Variants in CCDC178 observed in about 807,000 individuals in gnomAD.
The protein encoded by CCDC178 is coiled-coil domain containing 178.
Under a neutral mutation model 117.4 loss-of-function variants are expected in CCDC178, and 126 were observed. The observed-to-expected ratio is 1.07, with a 90% CI of 0.93 to 1.24. The LOEUF is 1.24. Among genes scored for constraint, CCDC178 ranks in the 50% most tolerant of loss-of-function variants. The pLI is 0.00. For synonymous variants in CCDC178, 283 were observed against 313.4 expected, an observed-to-expected ratio of 0.90 and a Z score of 1.02; for missense variants, 1,030 against 986.9, an observed-to-expected ratio of 1.04 and a Z score of -0.59.
At chr18:33,196,605 G>C (rs919316731) in intron 20 of CCDC178, among the ~76,000 whole-genome samples, 1 of 152,104 alleles carries the variant, frequency 6.6e-6, no homozygotes, top group African/African-American at 2.4e-5. Context: ...CTCTGGCTGT[G>C]CAGTTTTTTT....
intron 6 of CCDC178, among the ~76,000 whole-genome samples, chr18:33,368,102 A>T (rs1385987738): frequency 6.6e-6 from 1 of 151,994 alleles, no homozygotes; most frequent in African/African-American, 2.4e-5. Flanking sequence ...ACTAAGTACA[A>T]ATTCCAACTG....
chr18:33,276,680 C>G (rs1332367918), intron 12 of CCDC178, among the ~76,000 whole-genome samples: 3 of 151,928 alleles, frequency 2.0e-5, no homozygotes, highest in Non-Finnish European at 4.4e-5. Flanking sequence ...TTAGATTTAG[C>G]AAAATGGAAA....
intron 2 of CCDC178, among the ~76,000 whole-genome samples, chr18:33,436,927 C>A (rs1394596828): frequency 3.9e-5 from 6 of 152,144 alleles, no homozygotes; most frequent in Non-Finnish European, 8.8e-5. Flanking sequence ...GGTGGGAGAA[C>A]AAAGAAACCT....
chr18:33,118,373 T>G (rs2057888745), intron 20 of CCDC178, among the ~76,000 whole-genome samples: 1 of 151,992 alleles, frequency 6.6e-6, no homozygotes, highest in Non-Finnish European at 1.5e-5. Flanking sequence ...GGTGCATAAA[T>G]CAAGGGGCAT....
At chr18:33,076,131 A>C (rs992493368) in intron 21 of CCDC178, among the ~76,000 whole-genome samples, 6 of 152,198 alleles carry the variant, frequency 3.9e-5, no homozygotes, top group Non-Finnish European at 7.4e-5. Flanking sequence ...GTAAAGAATC[A>C]TCAGAGAAAA....
chr18:33,074,122 G>A (rs1159214504), intron 21 of CCDC178, among the ~76,000 whole-genome samples: 1 of 151,846 alleles, frequency 6.6e-6, no homozygotes, highest in Non-Finnish European at 1.5e-5. Flanking sequence ...CAAGAAATGT[G>A]GGTTTTATCC....
In CCDC178 at chr18:33,160,633, G is replaced by A. The variant is rs574003190; in HGVS notation, c.2238+51263C>T. On this transcript the variant is annotated intron_variant, in intron 20 of 22. Transcript: ENST00000383096. Reference sequence around the variant, plus strand: ...AGCAGGGTGCTTTGGTTCTGGGCTCGGGGTTTATTTCCTAGTTAAAGGTCA... The same window carrying A: ...AGCAGGGTGCTTTGGTTCTGGGCTCAGGGTTTATTTCCTAGTTAAAGGTCA... Among the ~76,000 whole-genome samples, 6 of 152,110 alleles carry A rather than the reference G, an allele frequency of 3.9e-5. No homozygotes were observed. The South Asian group carries it at 1.0e-3, about 26-fold the overall frequency.
chr18:33,032,572 T>C (rs1313449803), intron 21 of CCDC178, among the ~76,000 whole-genome samples: 1 of 152,066 alleles, frequency 6.6e-6, no homozygotes, highest in Non-Finnish European at 1.5e-5. Flanking sequence ...TCAGTAAAAA[T>C]GCTACTATAG....
At chr18:33,360,548 A>G (rs934618425) in intron 6 of CCDC178, among the ~76,000 whole-genome samples, 1 of 151,578 alleles carries the variant, frequency 6.6e-6, no homozygotes, top group Non-Finnish European at 1.5e-5. Context: ...AGCTATCAAA[A>G]TTGAAAATGA....
chr18:33,376,941 A>T (rs571994906), intron 5 of CCDC178, among the ~76,000 whole-genome samples: 3 of 152,258 alleles, frequency 2.0e-5, no homozygotes, highest in African/African-American at 7.2e-5. Flanking sequence ...TGGTAGAATG[A>T]TTTATTTTCT....
intron 5 of CCDC178, among the ~76,000 whole-genome samples, chr18:33,374,199 A>C (rs1599238026): frequency 6.6e-6 from 1 of 152,314 alleles, no homozygotes; most frequent in Admixed American, 6.5e-5. Flanking sequence ...AGCAATGCAG[A>C]GAAGAGCCTC....
chr18:33,407,557 A>T (rs186849660), intron 3 of CCDC178, among the ~76,000 whole-genome samples: 1 of 152,256 alleles, frequency 6.6e-6, no homozygotes, highest in African/African-American at 2.4e-5. Flanking sequence ...TGTCAAGACT[A>T]AACAGAGAAC....
At chr18:33,332,976 T>A (rs1331692276) in intron 10 of CCDC178, among the ~76,000 whole-genome samples, 198 bp downstream of exon 10, 1 of 151,212 alleles carries the variant, frequency 6.6e-6, no homozygotes, top group Admixed American at 6.6e-5. Context: ...ATATGCTTAA[T>A]AATCTTAAAT....
intron 20 of CCDC178, among the ~76,000 whole-genome samples, chr18:33,143,836 A>C (rs1321550223): frequency 6.6e-6 from 1 of 152,130 alleles, no homozygotes; most frequent in Non-Finnish European, 1.5e-5. Context: ...ACATAGAAAA[A>C]TCTACCACAT....
At chr18:32,985,326 C>T (rs1051012177) in intron 21 of CCDC178, among the ~76,000 whole-genome samples, 2 of 151,846 alleles carry the variant, frequency 1.3e-5, no homozygotes, top group African/African-American at 2.4e-5. Context: ...TCATGCAATG[C>T]GGGACAGCCT....
intron 21 of CCDC178, among the ~76,000 whole-genome samples, chr18:33,052,592 G>A (rs1308736345): frequency 6.6e-6 from 1 of 152,052 alleles, no homozygotes; most frequent in Non-Finnish European, 1.5e-5. Context: ...TGATTAAGAG[G>A]AAACAAAAAC....
Position 33,218,889 on chromosome 18 carries a change from G to A in CCDC178, c.1933-3194C>T, listed in dbSNP as rs181763319. Among the ~76,000 whole-genome samples, 27 of 152,190 alleles carry A rather than the reference G, an allele frequency of 1.8e-4. No individual in the cohort carries two copies. In the South Asian group the frequency reaches 4.4e-3, roughly 25 times the overall value. On this transcript the variant is annotated intron_variant, in intron 18 of 22. Coordinates refer to ENST00000383096, the MANE Select transcript of CCDC178 (RefSeq NM_001105528.4). The stretch of plus-strand genomic sequence containing the variant: ...ATAGTTTGAAGTCAGGTAGCGTGAC[G>A]CCTCTAGCTTTGCTCTTTTGGCTTA...
At chr18:33,145,521 C>A (rs2058257458) in intron 20 of CCDC178, among the ~76,000 whole-genome samples, 1 of 151,998 alleles carries the variant, frequency 6.6e-6, no homozygotes, top group African/African-American at 2.4e-5. Flanking sequence ...CAATATTGAC[C>A]CAGAATTTTG....
intron 20 of CCDC178, among the ~76,000 whole-genome samples, chr18:33,184,550 T>C (rs2058767732): frequency 6.6e-6 from 1 of 152,056 alleles, no homozygotes; most frequent in Admixed American, 6.6e-5. Flanking sequence ...CAGTATACAC[T>C]GACCAGAAAA....
Sources: allele counts gnomAD v4.1 joint callset (sites outside exome capture counted in the v4.1 genomes callset), GRCh38; gene constraint gnomAD v4.1.1; transcripts MANE v1.5; gene names NCBI Gene and HGNC (gene_info 2026-07-23, HGNC 2026-07-21).